Variants in GPR161 observed in about 807,000 individuals in gnomAD.
GPR161 encodes G protein-coupled receptor 161.
Under a neutral mutation model 39.2 loss-of-function variants are expected in GPR161, and 25 were observed. The ratio of observed to expected loss-of-function variants is 0.64; its 90% confidence interval spans 0.47 to 0.89. The LOEUF is 0.89. GPR161 is among the 40% of genes least tolerant of loss of function. The pLI is 0.00. For synonymous variants in GPR161, 286 were observed against 276.6 expected, an observed-to-expected ratio of 1.03 and a Z score of -0.34; for missense variants, 547 against 677.8, an observed-to-expected ratio of 0.81 and a Z score of 2.14.
At chr1:168,125,109 T>C (rs1195884005) in intron 1 of GPR161, among the ~76,000 whole-genome samples, 5 of 152,256 alleles carry the variant, frequency 3.3e-5, no homozygotes, top group African/African-American at 2.4e-5. Flanking sequence ...GTAATTTCTT[T>C]CAACTTTCAG....
chr1:168,135,162 G>A, intron 1 of GPR161: 1 of 1,206,154 alleles, frequency 8.3e-7, no homozygotes, highest in South Asian at 1.8e-5. Context: ...AGGGCAGGGA[G>A]AAGCCCTGAG....
At chr1:168,137,655 C>G (rs1388447678), upstream of GPR161, 3 of 569,834 alleles carry the variant, frequency 5.3e-6, no homozygotes, top group African/African-American at 3.8e-5. Context: ...CTTCCTCACT[C>G]CCCACTTTGC....
chr1:168,104,083 C>T (rs751498331), intron 2 of GPR161, among the ~76,000 whole-genome samples: 1 of 152,140 alleles, frequency 6.6e-6, no homozygotes, highest in Non-Finnish European at 1.5e-5. Context: ...CCTGTTCGGG[C>T]TGCACTAGTC....
rs866009800 is a variant in GPR161, at chr1:168,081,927, A to G, written c.*3604T>C. 1 of 152,252 alleles carries G rather than the reference A, an allele frequency of 6.6e-6. No individual in the cohort carries two copies. The highest frequency in any genetic ancestry group is 2.1e-4 in the South Asian group (1 of 4,834). The allele number at this position is 152,252 out of a possible 1,614,324, so 9.4% of individuals were successfully genotyped here. A position where few individuals can be genotyped will look rare whatever the true frequency, so the allele number is the denominator to read the frequency against. On this transcript the variant is annotated 3_prime_UTR_variant, in exon 6 of 6. Transcript: ENST00000682931. ...GGCTCAAGGCTGAACACATGTTGTG[A>G]ATGTATCTTGTGGTCCATCCAGAGA...
intron 4 of GPR161, among the ~76,000 whole-genome samples, chr1:168,089,862 C>T (rs1014090338): frequency 6.6e-6 from 1 of 152,348 alleles, no homozygotes; most frequent in South Asian, 2.1e-4. Flanking sequence ...GCCAGGAAGC[C>T]GACTGCTCAG....
intron 1 of GPR161, among the ~76,000 whole-genome samples, chr1:168,122,930 C>T (rs535461088): frequency 6.6e-6 from 1 of 152,222 alleles, no homozygotes; most frequent in Admixed American, 6.5e-5. Flanking sequence ...GCAAATTTTC[C>T]GATCAGCACC....
At chr1:168,137,280 C>A, upstream of GPR161, 1 of 1,507,938 alleles carries the variant, frequency 6.6e-7, no homozygotes, top group South Asian at 1.3e-5. Context: ...TTTTCCATGT[C>A]TCTCTCCATC....
At chr1:168,110,547 GAA>G (rs1387888013) in intron 1 of GPR161, among the ~76,000 whole-genome samples, 1 of 23,628 alleles carries the variant, frequency 4.2e-5, no homozygotes, top group South Asian at 1.2e-3. Context: ...GGAAAGAAAA[GAA>G]AAGAAAAGAA....
intron 1 of GPR161, among the ~76,000 whole-genome samples, chr1:168,133,086 T>C (rs1227742641): frequency 1.3e-5 from 2 of 152,140 alleles, no homozygotes. Flanking sequence ...ATGGACTATT[T>C]CTGAAAGAAT....
chr1:168,136,088 C>G (rs1246069600), intron 1 of GPR161: 1 of 1,258,944 alleles, frequency 7.9e-7, no homozygotes, highest in East Asian at 3.2e-5. Context: ...GCGCCGAGGG[C>G]TGGTCGAGTT....
At chr1:168,092,307 G>A (rs1180237401) in intron 3 of GPR161, among the ~76,000 whole-genome samples, 1 of 152,168 alleles carries the variant, frequency 6.6e-6, no homozygotes, top group Non-Finnish European at 1.5e-5. Flanking sequence ...AAGCCGCAGT[G>A]GGTTTTGGAC....
At chr1:168,136,689 A>G in intron 1 of GPR161, 50 bp downstream of exon 1, 1 of 1,104,480 alleles carries the variant, frequency 9.1e-7, no homozygotes, top group Non-Finnish European at 1.1e-6. Context: ...CTCCATCCGG[A>G]CCGCCCTCTC....
chr1:168,119,583 T>C (rs142429196), intron 1 of GPR161, among the ~76,000 whole-genome samples: 20 of 152,234 alleles, frequency 1.3e-4, no homozygotes, highest in African/African-American at 4.6e-4. Context: ...ATGGTGGTGA[T>C]GGCTGCACGA....
intron 3 of GPR161, 105 bp from the exon 4 acceptor site, chr1:168,090,773 C>T: frequency 3.5e-6 from 2 of 570,672 alleles, no homozygotes; most frequent in Non-Finnish European, 6.2e-6. Context: ...TTCGCCCTTG[C>T]AAAACTCACT....
chr1:168,104,670 G>A lies in GPR161; in HGVS notation c.181C>T (p.Leu61Phe), dbSNP rs757411185. ...AGGCTGAAGACGAACTTGTTGCTGA[G>A]GGTGAGGAGGTAGGACTTCTTGTAC... ...TLYKKSYLLT[L>F]SNKFVFSLTL... Residue 61 changes from leucine (L) to phenylalanine (F), a missense_variant, in exon 2 of 6, where the codon CTC (leucine) becomes TTC (phenylalanine). Leu to Phe is a conservative substitution (Grantham distance 22). Transcript: ENST00000682931. 2.5e-6 allele frequency: 4 copies of A among 1,613,878 alleles called. No individual in the cohort carries two copies. Among genetic ancestry groups the A allele is most frequent in the Non-Finnish European group, 3.4e-6 (4 of 1,179,740 alleles).
intron 1 of GPR161, among the ~76,000 whole-genome samples, chr1:168,112,182 G>C (rs1697229930): frequency 1.3e-5 from 2 of 152,050 alleles, no homozygotes; most frequent in South Asian, 4.1e-4. Flanking sequence ...AGAATCAACT[G>C]TTAGAAAAAA....
In GPR161 at chr1:168,081,873, T is replaced by G. The variant is rs1175166391; in HGVS notation, c.*3658A>C. 6.6e-6 allele frequency: 1 copy of G among 152,448 alleles called. No homozygotes were observed. Among genetic ancestry groups the G allele is most frequent in the Non-Finnish European group, 1.5e-5 (1 of 68,142 alleles). The allele number at this position is 152,448 out of a possible 1,614,324, so 9.4% of individuals were successfully genotyped here. On this transcript the variant is annotated 3_prime_UTR_variant, in exon 6 of 6. Coordinates refer to ENST00000682931, the MANE Select transcript of GPR161 (RefSeq NM_001375883.1). ...CCTCCTCTTTATAGCCACATCATCC[T>G]CAGTTCCTTCCAGACAGGACACAGC...
At chr1:168,090,068 A>G (rs1407635362) in intron 4 of GPR161, among the ~76,000 whole-genome samples, 1 of 152,240 alleles carries the variant, frequency 6.6e-6, no homozygotes, top group Non-Finnish European at 1.5e-5. Context: ...CTTCACATTC[A>G]TTAAGTCTCT....
In GPR161 at chr1:168,081,840, G is replaced by C. The variant is rs1383314843; in HGVS notation, c.*3691C>G. ...GCCCACAGAAGGCAGTCACATGCCA[G>C]CTCACTGCCTCCTCTTTATAGCCAC... is the stretch of plus-strand genomic sequence containing the variant. On this transcript the variant is annotated 3_prime_UTR_variant, in exon 6 of 6. Coordinates refer to ENST00000682931, the MANE Select transcript of GPR161 (RefSeq NM_001375883.1). 6.6e-6 allele frequency: 1 copy of C among 152,532 alleles called. No homozygotes were observed. Among genetic ancestry groups the C allele is most frequent in the African/African-American group, 2.4e-5 (1 of 41,476 alleles). The allele number at this position is 152,532 out of a possible 1,614,324, so 9.4% of individuals were successfully genotyped here.
Sources: gnomAD v4.1 joint callset for allele counts (sites outside exome capture counted in the v4.1 genomes callset) on GRCh38, gnomAD v4.1.1 for gene constraint, MANE v1.5 for transcripts, NCBI Gene and HGNC (gene_info 2026-07-23, HGNC 2026-07-21) for gene names.